The following ZSWIM5 variants were observed in gnomAD, a reference collection of about 807,000 sequenced individuals.
The protein encoded by ZSWIM5 is zinc finger SWIM-type containing 5.
A neutral mutation model predicts 119.6 loss-of-function variants in ZSWIM5; 55 were observed. That is an observed-to-expected ratio of 0.46 (90% confidence interval 0.37 to 0.58). The LOEUF (loss-of-function observed/expected upper bound fraction) is 0.58. Ranked by LOEUF, ZSWIM5 falls within the 20% of genes least tolerant of loss-of-function variation. ZSWIM5 has a pLI of 0.00. For synonymous variants in ZSWIM5, 537 were observed against 606.9 expected (o/e 0.88, Z 1.69); for missense variants, 1,193 against 1,512.8 (o/e 0.79, Z 3.51).
At chr1:45,024,258 C>G (rs969820925) in intron 11 of ZSWIM5, among the ~76,000 whole-genome samples, 7 of 142,808 alleles carry the variant, frequency 4.9e-5, no homozygotes, top group African/African-American at 1.8e-4. Context: ...TGGCCGTGAT[C>G]TGGGCTCACT....
intron 8 of ZSWIM5, among the ~76,000 whole-genome samples, chr1:45,037,818 A>T (rs921130628): frequency 2.0e-5 from 3 of 152,242 alleles, no homozygotes; most frequent in Admixed American, 2.0e-4. Flanking sequence ...TGTTACTATT[A>T]TCTCATATGC....
chr1:45,135,520 T>A (rs554125733), intron 1 of ZSWIM5, among the ~76,000 whole-genome samples: 1 of 152,208 alleles, frequency 6.6e-6, no homozygotes, highest in Non-Finnish European at 1.5e-5. Context: ...TAGACTTCGT[T>A]ATCTATGCTT....
chr1:45,102,039 T>TA (rs35157053), intron 1 of ZSWIM5, among the ~76,000 whole-genome samples: 11,900 of 144,480 alleles, frequency 0.082, 566 homozygotes, highest in African/African-American at 0.13. Context: ...TAAAGTATAA[T>TA]AAAAAAAAAA....
chr1:45,024,709 C>T (rs922983520), intron 11 of ZSWIM5, among the ~76,000 whole-genome samples: 4 of 151,898 alleles, frequency 2.6e-5, no homozygotes, highest in Non-Finnish European at 5.9e-5. Flanking sequence ...GGCTGGAGTG[C>T]AATGGTGCGA....
chr1:45,195,107 C>CAAGG, intron 1 of ZSWIM5, among the ~76,000 whole-genome samples: 1 of 152,232 alleles, frequency 6.6e-6, no homozygotes, highest in East Asian at 1.9e-4. Flanking sequence ...TCTATTCAGA[C>CAAGG]CCTTAACTGA....
chr1:45,043,246 TAA>T lies in ZSWIM5; in HGVS notation c.1580_1581del (p.Phe527Ter), dbSNP rs777714524. The T allele has an allele frequency of 1.2e-6, 2 of 1,613,946 alleles. No homozygotes were observed. The highest frequency in any genetic ancestry group is 1.7e-6 in the Non-Finnish European group (2 of 1,179,950). ...AGCCACAGTGGCTGGCCTTGGGAAT[TAA>T]AGAGTAGTCTTTCACTTTCCCGCTG... is the stretch of plus-strand genomic sequence containing the variant. ...ACQRESERLLFNSQGQPLWLE... is the reference protein window; with the variant it reads ...ACQRESERLLXNSQGQPLWLE... On this transcript the variant is annotated frameshift_variant, in exon 6 of 14. Transcript: ENST00000359600. LOFTEE classifies it high-confidence loss of function.
chr1:45,094,943 CA>C (rs1401354342), intron 1 of ZSWIM5, among the ~76,000 whole-genome samples: 1 of 151,898 alleles, frequency 6.6e-6, no homozygotes, highest in Admixed American at 6.6e-5. Context: ...ATTATCAACA[CA>C]AAGACAAATT....
intron 10 of ZSWIM5, 135 bp from the exon 11 acceptor site, chr1:45,034,604 C>T (rs1301636017): frequency 9.5e-6 from 10 of 1,052,052 alleles, no homozygotes; most frequent in Non-Finnish European, 1.2e-5. Flanking sequence ...GGTTTTTAAA[C>T]CTATGGTACT....
chr1:45,180,831 A>G (rs1387082755), intron 1 of ZSWIM5, among the ~76,000 whole-genome samples: 1 of 152,110 alleles, frequency 6.6e-6, no homozygotes, highest in Non-Finnish European at 1.5e-5. Flanking sequence ...CAGGGTCTGG[A>G]GTGGACCTCT....
At position 45,038,701 on chromosome 1, in the gene ZSWIM5, G is replaced by C. The variant is rs537282332; in HGVS notation, c.1894+235C>G. Among the ~76,000 whole-genome samples the C allele has an allele frequency of 1.3e-3, 188 of 142,910 alleles. 1 individual carries two copies. Among genetic ancestry groups the C allele is most frequent in the African/African-American group, 4.5e-3 (174 of 38,892 alleles). 93.8% of individuals were successfully genotyped at this position (142,910 alleles called of 152,430 possible). ...GACTCACTGCAGCCTCGATCTCCTG[G>C]GATCAAGTGATCCTACTGCCTCAGC... On this transcript the variant is annotated intron_variant, in intron 8 of 13. Coordinates refer to ENST00000359600, the MANE Select transcript of ZSWIM5 (RefSeq NM_020883.2).
At chr1:45,058,129 T>G (rs1413303635) in intron 4 of ZSWIM5, among the ~76,000 whole-genome samples, 2 of 152,096 alleles carry the variant, frequency 1.3e-5, no homozygotes, top group Non-Finnish European at 2.9e-5. Flanking sequence ...AAAGGTGAAA[T>G]GACCATATAA....
At chr1:45,101,853 A>C (rs113190927) in intron 1 of ZSWIM5, among the ~76,000 whole-genome samples, 3,128 of 152,272 alleles carry the variant, frequency 0.021, 113 homozygotes, top group African/African-American at 0.072. Flanking sequence ...GAACACCTGT[A>C]CACAGGGCGG....
chr1:45,168,215 A>G lies in ZSWIM5; in HGVS notation c.595+37541T>C, dbSNP rs59764137. Among the ~76,000 whole-genome samples, 1,017 of 152,136 alleles carry G rather than the reference A, an allele frequency of 6.7e-3. 12 individuals carry two copies. Among genetic ancestry groups the G allele is most frequent in the African/African-American group, 0.022 (908 of 41,518 alleles). On this transcript the variant is annotated intron_variant, in intron 1 of 13. Coordinates refer to ENST00000359600, the MANE Select transcript of ZSWIM5 (RefSeq NM_020883.2). ...TGGAAACCATCATTCTGAGCAAACT[A>G]TCGCAAGGACAGAAAACCAAACACC...
Position 45,018,994 on chromosome 1 carries a change from G to A in ZSWIM5, c.3018C>T (p.Tyr1006=), listed in dbSNP as rs1239261823. ...GTAGCGGGTAGCCACGGAGCTCCATGTAGCGGGCGATGGTGAACAGCTGTG... is the reference window on the plus strand; with the variant it reads ...GTAGCGGGTAGCCACGGAGCTCCATATAGCGGGCGATGGTGAACAGCTGTG... ...THSQLFTIAR[Y]MELRGYPLRA... The change falls in exon 14 of 14, where the codon TAC becomes TAT. Residue 1006 remains tyrosine (Y), a synonymous_variant. Coordinates refer to ENST00000359600, the MANE Select transcript of ZSWIM5 (RefSeq NM_020883.2). This position sits in a 1 kb window ranked among gnomAD's most constrained non-coding sequence, Gnocchi z 6.7. The A allele has an allele frequency of 2.5e-6, 4 of 1,614,102 alleles. No individual in the cohort carries two copies. Among genetic ancestry groups the A allele is most frequent in the African/African-American group, 2.7e-5 (2 of 74,928 alleles).
At chr1:45,204,262 G>A (rs1345804781) in intron 1 of ZSWIM5, among the ~76,000 whole-genome samples, 1 of 151,964 alleles carries the variant, frequency 6.6e-6, no homozygotes, top group African/African-American at 2.4e-5. Context: ...AATCTTAAAA[G>A]TTAAATAAAT....
At chr1:45,070,272 A>G (rs1340963841) in intron 2 of ZSWIM5, 7 of 1,463,182 alleles carry the variant, frequency 4.8e-6, no homozygotes, top group Admixed American at 1.7e-5. Flanking sequence ...AGGTTCAACA[A>G]TAACATCATA....
At chr1:45,052,608 A>C (rs1466363441) in intron 4 of ZSWIM5, among the ~76,000 whole-genome samples, 5 of 152,118 alleles carry the variant, frequency 3.3e-5, no homozygotes, top group Middle Eastern at 3.4e-3. Context: ...TGTCTCTCCC[A>C]AAAATACAAA....
At position 45,130,283 on chromosome 1, in the gene ZSWIM5, C is replaced by T. The variant is rs150301470; in HGVS notation, c.596-42046G>A. On this transcript the variant is annotated intron_variant, in intron 1 of 13. Transcript: ENST00000359600. Reference sequence around the variant, plus strand: ...AGAACCTATTAATAGGATGAAAGGACAAGCTACAGACTGGGAGAAAATATT... The same window carrying T: ...AGAACCTATTAATAGGATGAAAGGATAAGCTACAGACTGGGAGAAAATATT... Among the ~76,000 whole-genome samples the T allele has an allele frequency of 8.8e-4, 134 of 152,178 alleles. 2 individuals carry two copies. Among genetic ancestry groups the T allele is most frequent in the African/African-American group, 3.1e-3 (130 of 41,500 alleles).
chr1:45,138,392 C>A (rs1194494060), intron 1 of ZSWIM5, among the ~76,000 whole-genome samples: 1 of 150,934 alleles, frequency 6.6e-6, no homozygotes, highest in Non-Finnish European at 1.5e-5. Flanking sequence ...GTAGACCCAG[C>A]TACTCCGGAG....
Sources: gnomAD v4.1 joint callset for allele counts (sites outside exome capture counted in the v4.1 genomes callset) on GRCh38, gnomAD v4.1.1 for gene constraint, Gnocchi (gnomAD v3.1) non-coding constraint, MANE v1.5 for transcripts, NCBI Gene and HGNC (gene_info 2026-07-23, HGNC 2026-07-21) for gene names.